The following LRRC4C variants were observed in gnomAD, a reference collection of about 807,000 sequenced individuals.
The protein encoded by LRRC4C is leucine-rich repeat-containing protein 4C.
Under a neutral mutation model 33.6 loss-of-function variants are expected in LRRC4C, and 5 were observed. The observed-to-expected ratio is 0.15, with a 90% confidence interval of 0.08 to 0.31. The LOEUF (loss-of-function observed/expected upper bound fraction) is 0.31, where lower values mean the gene tolerates loss of function less well. Among genes scored for constraint, LRRC4C ranks in the 10% least tolerant of loss-of-function variants. The pLI is 1.00. For missense variants in LRRC4C, 560 were observed against 796.7 expected (o/e 0.70, Z 3.58); for synonymous variants, 329 against 302.0 (o/e 1.09, Z -0.93).
intron 1 of LRRC4C, among the ~76,000 whole-genome samples, chr11:41,139,377 T>C (rs1661747506): frequency 6.6e-6 from 1 of 152,194 alleles, no homozygotes; most frequent in African/African-American, 2.4e-5. Flanking sequence ...CTTTCAGTGA[T>C]AATATTTTAG....
intron 2 of LRRC4C, among the ~76,000 whole-genome samples, chr11:40,733,482 G>T (rs1023627107): frequency 2.9e-4 from 44 of 152,226 alleles, no homozygotes; most frequent in African/African-American, 1.1e-3. Context: ...GTTAAAAATT[G>T]ATTTGGGATC....
intron 1 of LRRC4C, among the ~76,000 whole-genome samples, chr11:41,240,431 T>A (rs535505193): frequency 1.3e-5 from 2 of 152,168 alleles, no homozygotes; most frequent in Non-Finnish European, 2.9e-5. Flanking sequence ...AACCACAGAT[T>A]ACTGAGGGGA....
intron 6 of LRRC4C, among the ~76,000 whole-genome samples, chr11:40,129,769 T>C (rs1235211149): frequency 2.0e-5 from 3 of 152,136 alleles, no homozygotes; most frequent in African/African-American, 7.2e-5. Context: ...AATTCTACTA[T>C]CACAATCTAA....
chr11:40,366,879 G>T (rs1050462160), intron 3 of LRRC4C, among the ~76,000 whole-genome samples: 1 of 152,050 alleles, frequency 6.6e-6, no homozygotes, highest in Non-Finnish European at 1.5e-5. Flanking sequence ...TATGATGGTG[G>T]AAGATAGGAA....
intron 5 of LRRC4C, among the ~76,000 whole-genome samples, chr11:40,170,467 G>C (rs1287943101): frequency 1.3e-5 from 2 of 152,022 alleles, no homozygotes; most frequent in East Asian, 3.9e-4. Context: ...GAATGAAGGG[G>C]CATGTGCCTC....
At chr11:41,321,227 G>A (rs1395055391) in intron 1 of LRRC4C, among the ~76,000 whole-genome samples, 1 of 151,962 alleles carries the variant, frequency 6.6e-6, no homozygotes, top group Non-Finnish European at 1.5e-5. Context: ...TAAAAACAGG[G>A]GGCAGAGATC....
chr11:41,129,580 T>C (rs1942916572), intron 1 of LRRC4C, among the ~76,000 whole-genome samples: 1 of 151,976 alleles, frequency 6.6e-6, no homozygotes, highest in South Asian at 2.1e-4. Context: ...GATTCTTCAA[T>C]AGTAATTTTA....
In LRRC4C at chr11:40,279,247, G is replaced by T. The variant is rs1032576611; in HGVS notation, c.-175-37649C>A. Among the ~76,000 whole-genome samples, 56 of 152,186 alleles carry T rather than the reference G, an allele frequency of 3.7e-4. 1 individual carries two copies. Among genetic ancestry groups the T allele is most frequent in the African/African-American group, 1.3e-3 (54 of 41,536 alleles). On this transcript the variant is annotated intron_variant, in intron 4 of 6. Coordinates refer to ENST00000528697, the MANE Select transcript of LRRC4C (RefSeq NM_001258419.2). ...ATCCAAGGCATCACAACTGAGACAG[G>T]TCCAAGAGATCAGTCCCAAAAGAAA...
chr11:40,794,009 C>T (rs1426937284), intron 2 of LRRC4C, among the ~76,000 whole-genome samples: 1 of 152,076 alleles, frequency 6.6e-6, no homozygotes. Context: ...GCTGACTAGG[C>T]TTCTTCATAT....
chr11:40,973,069 T>G (rs1457106443), intron 1 of LRRC4C, among the ~76,000 whole-genome samples: 8 of 152,148 alleles, frequency 5.3e-5, no homozygotes, highest in Admixed American at 3.9e-4. Flanking sequence ...CTGCTTTCCT[T>G]TCACCTTCCA....
intron 3 of LRRC4C, among the ~76,000 whole-genome samples, chr11:40,544,376 C>T (rs1391159154): frequency 6.6e-5 from 10 of 152,086 alleles, no homozygotes; most frequent in Non-Finnish European, 1.5e-4. Context: ...CCTTCTCATT[C>T]TGGCCCACTG....
At chr11:40,546,057 TCTTCCTTCCTTCCTTC>T (rs138499350) in intron 3 of LRRC4C, among the ~76,000 whole-genome samples, 7 of 146,042 alleles carry the variant, frequency 4.8e-5, no homozygotes, top group African/African-American at 1.8e-4. Flanking sequence ...TTTCTCCAAG[TCTTCCTTCCTTCCTTC>T]CTTCCTTCCT....
At chr11:40,272,411 G>A (rs1372416232) in intron 4 of LRRC4C, among the ~76,000 whole-genome samples, 2 of 152,032 alleles carry the variant, frequency 1.3e-5, no homozygotes, top group Admixed American at 6.6e-5. Context: ...ACATAAAATA[G>A]ATAATAAGGC....
intron 1 of LRRC4C, among the ~76,000 whole-genome samples, chr11:41,349,205 T>C (rs931381830): frequency 5.3e-5 from 8 of 152,112 alleles, no homozygotes; most frequent in South Asian, 4.1e-4. Flanking sequence ...TGGCAGACCT[T>C]ATCTAATAGC....
intron 1 of LRRC4C, among the ~76,000 whole-genome samples, chr11:41,181,276 T>C (rs1945438040): frequency 6.6e-6 from 1 of 152,146 alleles, no homozygotes; most frequent in Non-Finnish European, 1.5e-5. Flanking sequence ...ATTAGATTTT[T>C]TCAGGGATTC....
At chr11:40,939,254 T>A (rs186865601) in intron 1 of LRRC4C, among the ~76,000 whole-genome samples, 4 of 152,284 alleles carry the variant, frequency 2.6e-5, no homozygotes, top group Admixed American at 2.0e-4. Context: ...GGTGGCACAA[T>A]GACACTTCTG....
chr11:40,708,926 T>A (rs960990212), intron 2 of LRRC4C, among the ~76,000 whole-genome samples: 4 of 152,226 alleles, frequency 2.6e-5, no homozygotes, highest in African/African-American at 9.7e-5. Context: ...TCAGGATAGT[T>A]AGCTCTTCTT....
chr11:40,712,794 C>A (rs1169656206), intron 2 of LRRC4C, among the ~76,000 whole-genome samples: 1 of 151,994 alleles, frequency 6.6e-6, no homozygotes, highest in East Asian at 1.9e-4. Context: ...TATTTGAGAA[C>A]AAGATTAATA....
In LRRC4C at chr11:40,262,991, A is replaced by G. The variant is rs919944097; in HGVS notation, c.-175-21393T>C. Among the ~76,000 whole-genome samples the G allele has an allele frequency of 3.9e-5, 6 of 152,104 alleles. No individual in the cohort carries two copies. In the East Asian group the frequency reaches 1.2e-3, roughly 29 times the overall value. On this transcript the variant is annotated intron_variant, in intron 4 of 6. Coordinates refer to ENST00000528697, the MANE Select transcript of LRRC4C (RefSeq NM_001258419.2). ...AACTTAAAGTATAACTGAAAAAAAAAAAAAGAATTTTTTTTGGCCAGAGCT... is the reference window on the plus strand; with the variant it reads ...AACTTAAAGTATAACTGAAAAAAAAGAAAAGAATTTTTTTTGGCCAGAGCT...
Sources: allele counts gnomAD v4.1 joint callset (sites outside exome capture counted in the v4.1 genomes callset), GRCh38; gene constraint gnomAD v4.1.1; transcripts MANE v1.5; gene names NCBI Gene and HGNC (gene_info 2026-07-23, HGNC 2026-07-21).